The following WNT7B variants were observed in gnomAD, a reference collection of about 807,000 sequenced individuals.
The protein encoded by WNT7B is protein Wnt-7b.
WNT7B carries 19 observed loss-of-function variants against 38.2 expected under a neutral mutation model. The ratio of observed to expected loss-of-function variants is 0.50; its 90% CI spans 0.35 to 0.73. WNT7B has a LOEUF of 0.73. Among genes scored for constraint, WNT7B ranks in the 30% least tolerant of loss-of-function variants. The probability of loss-of-function intolerance (pLI) is 0.01; values close to 1 mark genes in which losing one functional copy is unlikely to be tolerated. For synonymous variants in WNT7B, 243 were observed against 209.3 expected, an observed-to-expected ratio of 1.16 and a Z score of -1.39; for missense variants, 423 against 507.9, an observed-to-expected ratio of 0.83 and a Z score of 1.61.
At chr22:45,953,992 C>A (rs528755454) in intron 1 of WNT7B, among the ~76,000 whole-genome samples, 1 of 152,252 alleles carries the variant, frequency 6.6e-6, no homozygotes, top group South Asian at 2.1e-4. Context: ...AATAGCCAAA[C>A]GCTGGAAACA....
intron 1 of WNT7B, among the ~76,000 whole-genome samples, chr22:45,974,622 G>A (rs1569128093): frequency 6.6e-6 from 1 of 152,142 alleles, no homozygotes. Flanking sequence ...TCACCAGGGG[G>A]AGGAGTTTCC....
chr22:45,958,028 G>A (rs761683312), intron 1 of WNT7B, among the ~76,000 whole-genome samples: 1 of 152,230 alleles, frequency 6.6e-6, no homozygotes, highest in Non-Finnish European at 1.5e-5. Context: ...GAGACCTCAG[G>A]GAGTTGTAGG....
At chr22:45,957,411 C>T (rs984004868) in intron 1 of WNT7B, among the ~76,000 whole-genome samples, 6 of 152,052 alleles carry the variant, frequency 3.9e-5, no homozygotes, top group East Asian at 3.9e-4. Flanking sequence ...AGGCCGGGCA[C>T]GGTGGCTCAC....
intron 3 of WNT7B, among the ~76,000 whole-genome samples, chr22:45,924,800 A>G (rs28628851): frequency 0.23 from 30,662 of 134,102 alleles, 4,304 homozygotes; most frequent in African/African-American, 0.43. Flanking sequence ...CTCATCAGGC[A>G]GGTGCTGGGG....
intron 2 of WNT7B, among the ~76,000 whole-genome samples, chr22:45,937,232 G>A (rs1785623472): frequency 6.6e-6 from 1 of 152,210 alleles, no homozygotes; most frequent in South Asian, 2.1e-4. Flanking sequence ...CAGGACATGA[G>A]GTTCTCAAGT....
In WNT7B at chr22:45,922,796, A is replaced by G; in HGVS notation, c.*60T>C. The G allele has an allele frequency of 6.4e-7, 1 of 1,551,384 alleles. No homozygotes were observed. The highest frequency in any genetic ancestry group is 1.2e-5 in the South Asian group (1 of 81,392). On this transcript the variant is annotated 3_prime_UTR_variant, in exon 4 of 4. Coordinates refer to ENST00000339464, the MANE Select transcript of WNT7B (RefSeq NM_058238.3). ...CAGCACCAAGGCAGGGAAGGTGAGG[A>G]GTGGATGTGCAAAATGCCGCCGGGT...
At position 45,920,605 on chromosome 22, in the gene WNT7B, G is replaced by A. The variant is rs1199473110; in HGVS notation, c.*2251C>T. ...GTGGCATCAGGGGCCCCAAGGGTCT[G>A]TTGAAGCAGGAGGAGCCTGGTTCGG... On this transcript the variant is annotated 3_prime_UTR_variant, in exon 4 of 4. Transcript: ENST00000339464. The A allele has an allele frequency of 2.1e-5, 3 of 142,538 alleles. No individual in the cohort carries two copies. Among genetic ancestry groups the A allele is most frequent in the Non-Finnish European group, 4.6e-5 (3 of 65,418 alleles). 8.8% of individuals were successfully genotyped at this position (142,538 alleles called of 1,614,324 possible). A position where few individuals can be genotyped will look rare whatever the true frequency, so the allele number is the denominator to read the frequency against.
intron 1 of WNT7B, among the ~76,000 whole-genome samples, chr22:45,955,864 G>A (rs1209829816): frequency 6.6e-6 from 1 of 152,228 alleles, no homozygotes; most frequent in Non-Finnish European, 1.5e-5. Context: ...CAGGCCAGAG[G>A]CCAGCAGAGG....
At chr22:45,960,937 TC>T in intron 1 of WNT7B, among the ~76,000 whole-genome samples, 1 of 152,134 alleles carries the variant, frequency 6.6e-6, no homozygotes, top group Non-Finnish European at 1.5e-5. Flanking sequence ...GCCTCAGTGT[TC>T]CTGCCTGTCA....
rs148892458 is a variant in WNT7B at position 45,970,025 on chromosome 22, T to G, written c.71+6659A>C. The stretch of plus-strand genomic sequence containing the variant: ...GAAACCAAGGTCTTCTCACTTTGCA[T>G]GCTTTCATTCAAACCGAATCGCGCA... On this transcript the variant is annotated intron_variant, in intron 1 of 3. Transcript: ENST00000339464. 2.6e-5 allele frequency among the ~76,000 whole-genome samples: 4 copies of G among 152,318 alleles called. No homozygotes were observed. The East Asian group carries it at 7.7e-4, about 29-fold the overall frequency.
Position 45,931,077 on chromosome 22 carries a change from C to T in WNT7B, c.570+21G>A, listed in dbSNP as rs757144220. ...ACAGCGGTCCCAGCTACGGCCCCCA[C>T]CAGCCGCACCCGCACCCTACCTTCC... On this transcript the variant is annotated intron_variant, in intron 3 of 3. Coordinates refer to ENST00000339464, the MANE Select transcript of WNT7B (RefSeq NM_058238.3). The T allele has an allele frequency of 8.4e-6, 13 of 1,548,332 alleles. No individual in the cohort carries two copies. In the Admixed American group the frequency reaches 2.2e-4, roughly 26 times the overall value.
At chr22:45,949,783 G>C in intron 2 of WNT7B, 137 bp downstream of exon 2, 1 of 827,808 alleles carries the variant, frequency 1.2e-6, no homozygotes, top group Non-Finnish European at 1.8e-6. Context: ...ACGCAGAAGG[G>C]CTCACAGGAA....
chr22:45,958,201 G>A (rs1359331292), intron 1 of WNT7B, among the ~76,000 whole-genome samples: 4 of 152,298 alleles, frequency 2.6e-5, no homozygotes, highest in East Asian at 1.9e-4. Context: ...TGTGGGACGT[G>A]GCCCCTCTGG....
intron 1 of WNT7B, among the ~76,000 whole-genome samples, chr22:45,950,509 C>T (rs1354319307): frequency 3.3e-5 from 5 of 152,260 alleles, no homozygotes; most frequent in Admixed American, 1.3e-4. Context: ...GCCGCCAACT[C>T]GGGACTGTCT....
chr22:45,929,749 C>T (rs1383771355), intron 3 of WNT7B, among the ~76,000 whole-genome samples: 1 of 151,282 alleles, frequency 6.6e-6, no homozygotes, highest in Non-Finnish European at 1.5e-5. Flanking sequence ...CCGATCCATC[C>T]TTTCATTCAT....
At chr22:45,929,278 G>C (rs1000975696) in intron 3 of WNT7B, among the ~76,000 whole-genome samples, 1 of 152,136 alleles carries the variant, frequency 6.6e-6, no homozygotes, top group African/African-American at 2.4e-5. Flanking sequence ...ACTGTGATCT[G>C]CCTGTACCTG....
chr22:45,958,925 G>A (rs1277352487), intron 1 of WNT7B, among the ~76,000 whole-genome samples: 4 of 152,184 alleles, frequency 2.6e-5, no homozygotes. Flanking sequence ...GAAGCCCCCC[G>A]ACGGGCACCC....
rs1931938612 is a variant in WNT7B, at chr22:45,951,755, G to A, written c.72-1609C>T. On this transcript the variant is annotated intron_variant, in intron 1 of 3. Transcript: ENST00000339464. This position sits in a 1 kb window ranked among gnomAD's most constrained non-coding sequence, Gnocchi z 4.8. ...AAGGCTGAGTGATATTCCATTGTGT[G>A]GACAGACCATATTTTGTGTATCCAT... Among the ~76,000 whole-genome samples, 1 of 152,222 alleles carries A rather than the reference G, an allele frequency of 6.6e-6. No individual in the cohort carries two copies. Among genetic ancestry groups the A allele is most frequent in the African/African-American group, 2.4e-5 (1 of 41,456 alleles).
chr22:45,967,258 T>C (rs1021144851), intron 1 of WNT7B, among the ~76,000 whole-genome samples: 2 of 149,546 alleles, frequency 1.3e-5, no homozygotes, highest in African/African-American at 5.0e-5. Context: ...TGGGCCGGGG[T>C]TTCATCTGAC....
Sources: gnomAD v4.1 joint callset for allele counts (sites outside exome capture counted in the v4.1 genomes callset) on GRCh38, gnomAD v4.1.1 for gene constraint, Gnocchi (gnomAD v3.1) non-coding constraint, MANE v1.5 for transcripts, NCBI Gene and HGNC (gene_info 2026-07-23, HGNC 2026-07-21) for gene names.